IL16: variants seen among roughly 807,000 people sequenced by gnomAD.
IL16 encodes pro-interleukin-16.
IL16 carries 67 observed loss-of-function variants against 110.1 expected under a neutral mutation model. The ratio of observed to expected loss-of-function variants is 0.61; its 90% CI spans 0.50 to 0.75. The LOEUF (loss-of-function observed/expected upper bound fraction) is 0.75. Among genes scored for constraint, IL16 ranks in the 30% least tolerant of loss-of-function variants. The probability of loss-of-function intolerance (pLI) is 0.00; values close to 1 mark genes in which losing one functional copy is unlikely to be tolerated. For synonymous variants in IL16, 689 were observed against 662.9 expected (o/e 1.04, Z -0.61); for missense variants, 1,545 against 1,655.0 (o/e 0.93, Z 1.15).
At chr15:81,243,804 T>C (rs188785145) in intron 2 of IL16, among the ~76,000 whole-genome samples, 1 of 152,322 alleles carries the variant, frequency 6.6e-6, no homozygotes, top group Non-Finnish European at 1.5e-5. Flanking sequence ...TTTTGAGGAA[T>C]TGGTACATTT....
At chr15:81,200,295 A>C (rs1895762990) in intron 1 of IL16, among the ~76,000 whole-genome samples, 1 of 151,700 alleles carries the variant, frequency 6.6e-6, no homozygotes, top group Admixed American at 6.6e-5. Flanking sequence ...ATGTACTATG[A>C]TGTAAAATGT....
In IL16 at chr15:81,191,735, G is replaced by A. The variant is rs533085583; in HGVS notation, c.40+8839G>A. Among the ~76,000 whole-genome samples the A allele has an allele frequency of 1.1e-4, 16 of 152,332 alleles. No individual in the cohort carries two copies. In the East Asian group the frequency reaches 2.7e-3, roughly 26 times the overall value. ...GGAGTCAGGGAAGAGCCAGCCATAT[G>A]AAGATCTGGAAGTGGAACTTTCCTG... On this transcript the variant is annotated intron_variant, in intron 1 of 18. Coordinates refer to the IL16 transcript ENST00000302987.
chr15:81,306,794 G>T, intron 18 of IL16: 1 of 523,882 alleles, frequency 1.9e-6, no homozygotes, highest in East Asian at 3.8e-5. Flanking sequence ...CTTGGTTCGG[G>T]TTGGCAGGGC....
rs747412827 is a variant in IL16, at chr15:81,225,440, C to T, written c.41C>T (p.Ala14Val). 1.1e-5 allele frequency: 17 copies of T among 1,614,144 alleles called. No individual in the cohort carries two copies. Among genetic ancestry groups the T allele is most frequent in the Non-Finnish European group, 1.4e-5 (17 of 1,180,008 alleles). ...CGCGCTGGAAAGAGCAGAAAATCTG[C>T]AAAATTTCGGTCCATCTCCAGGTCC... ...HSRAGKSRKS[A>V]KFRSISRSLM... Residue 14 changes from alanine to valine, a missense_variant, in exon 2 of 19, where the codon GCA becomes GTA. Physicochemically the swap from Ala to Val is moderately conservative, Grantham distance 64 (BLOSUM62 0). Coordinates refer to ENST00000683961, the MANE Select transcript of IL16 (RefSeq NM_172217.5).
At chr15:81,232,882 G>A (rs758479573) in intron 2 of IL16, among the ~76,000 whole-genome samples, 10 of 152,092 alleles carry the variant, frequency 6.6e-5, no homozygotes, top group Admixed American at 6.5e-4. Flanking sequence ...CATGAAATGA[G>A]TTAGGAAATA....
In IL16 at chr15:81,229,386, GCAGGGGCTTGCAGGAGCTCA is replaced by G. The variant is rs1445797581; in HGVS notation, c.312+3686_312+3705del. On this transcript the variant is annotated intron_variant, in intron 2 of 18. Coordinates refer to ENST00000683961, the MANE Select transcript of IL16 (RefSeq NM_172217.5). ...GGAATGGGCAGAGGGATATGGGCTC[GCAGGGGCTTGCAGGAGCTCA>G]CAGGGGCTTGGAAGAATTTGCTGGG... 7.2e-5 allele frequency among the ~76,000 whole-genome samples: 11 copies of G among 152,138 alleles called. No individual in the cohort carries two copies. In the East Asian group the frequency reaches 1.9e-3, roughly 27 times the overall value.
At chr15:81,301,650 C>G in intron 15 of IL16, 138 bp downstream of exon 15, 1 of 669,782 alleles carries the variant, frequency 1.5e-6, no homozygotes, top group Non-Finnish European at 2.5e-6. Flanking sequence ...TGGTGGGACA[C>G]TGTAGCACTT....
chr15:81,270,255 C>T (rs1411162454), intron 5 of IL16, among the ~76,000 whole-genome samples: 3 of 152,140 alleles, frequency 2.0e-5, no homozygotes, highest in African/African-American at 4.8e-5. Flanking sequence ...AGATAGGGGG[C>T]GTACACAGGT....
intron 4 of IL16, among the ~76,000 whole-genome samples, chr15:81,267,479 GACACACACACAC>G (rs56259509): frequency 9.3e-6 from 1 of 107,660 alleles, no homozygotes; most frequent in Non-Finnish European, 1.9e-5. Flanking sequence ...CACATACACA[GACACACACACAC>G]ACACACACAC....
At position 81,182,759 on chromosome 15, in the gene IL16, T is replaced by G. The variant is rs962551846; in HGVS notation, c.-98T>G. 41 of 648,406 alleles carry G rather than the reference T, an allele frequency of 6.3e-5. No homozygotes were observed. In the Admixed American group the frequency reaches 9.8e-4, roughly 15 times the overall value. The allele number at this position is 648,406 out of a possible 1,614,324, so 40.2% of individuals were successfully genotyped here. ...GTAGTTTTAACTCATATTCAAATAC[T>G]CCCAGCCGAGAAGCTGCCATCGATC... On this transcript the variant is annotated 5_prime_UTR_variant, in exon 1 of 19. Coordinates refer to the IL16 transcript ENST00000302987.
At chr15:81,233,351 AC>A (rs971577643) in intron 2 of IL16, among the ~76,000 whole-genome samples, 2 of 151,962 alleles carry the variant, frequency 1.3e-5, no homozygotes, top group Non-Finnish European at 2.9e-5. Context: ...TCTCAGCTTT[AC>A]TTACATTGAT....
At chr15:81,209,015 T>A (rs189588170) in intron 1 of IL16, among the ~76,000 whole-genome samples, 210 of 152,308 alleles carry the variant, frequency 1.4e-3, no homozygotes, top group Non-Finnish European at 2.4e-3. Flanking sequence ...ACATAGTAAT[T>A]GCTTGATAAA....
At position 81,253,692 on chromosome 15, in the gene IL16, C is replaced by T. The variant is rs1897847330; in HGVS notation, c.313-6080C>T. 2.0e-5 allele frequency among the ~76,000 whole-genome samples: 3 copies of T among 152,056 alleles called. No homozygotes were observed. The South Asian group carries it at 6.2e-4, about 32-fold the overall frequency. ...CTTTTGCATGTGAATATCTGGTTGTCCCAGCACTATTTGTAAAATATATTT... is the reference window on the plus strand; with the variant it reads ...CTTTTGCATGTGAATATCTGGTTGTTCCAGCACTATTTGTAAAATATATTT... On this transcript the variant is annotated intron_variant, in intron 2 of 18. Transcript: ENST00000683961.
chr15:81,214,025 T>TTG (rs1491393498), intron 1 of IL16, among the ~76,000 whole-genome samples: 2 of 58,254 alleles, frequency 3.4e-5, no homozygotes, highest in African/African-American at 7.1e-4. Flanking sequence ...GTGCATTTTG[T>TTG]TTTTTTTTTG....
intron 18 of IL16, among the ~76,000 whole-genome samples, chr15:81,307,420 A>G (rs1900627526): frequency 2.6e-5 from 4 of 152,172 alleles, no homozygotes; most frequent in Admixed American, 1.3e-4. Flanking sequence ...CTCACCCACT[A>G]TGAGCTCCTG....
At chr15:81,278,289 G>A (rs556237149) in intron 6 of IL16, among the ~76,000 whole-genome samples, 2 of 152,098 alleles carry the variant, frequency 1.3e-5, no homozygotes, top group Non-Finnish European at 2.9e-5. Context: ...GCAGGCCATT[G>A]ATCACCACCC....
intron 1 of IL16, among the ~76,000 whole-genome samples, chr15:81,222,882 G>C (rs1410081812): frequency 6.6e-6 from 1 of 152,096 alleles, no homozygotes; most frequent in Non-Finnish European, 1.5e-5. Context: ...CGACATTTGT[G>C]TGGAGAGTTA....
chr15:81,235,233 T>G (rs1424092553), intron 2 of IL16, among the ~76,000 whole-genome samples: 1 of 152,192 alleles, frequency 6.6e-6, no homozygotes, highest in South Asian at 2.1e-4. Flanking sequence ...TACCTGAGAC[T>G]GGGTAATTTT....
At chr15:81,253,148 G>C (rs538382480) in intron 2 of IL16, among the ~76,000 whole-genome samples, 5 of 152,240 alleles carry the variant, frequency 3.3e-5, no homozygotes, top group African/African-American at 1.2e-4. Flanking sequence ...GTATAAAGTG[G>C]TTGTGATTAT....
Sources: gnomAD v4.1 joint callset for allele counts (sites outside exome capture counted in the v4.1 genomes callset) on GRCh38, gnomAD v4.1.1 for gene constraint, MANE v1.5 for transcripts, NCBI Gene and HGNC (gene_info 2026-07-23, HGNC 2026-07-21) for gene names.